UTRN: variants seen among roughly 807,000 people sequenced by gnomAD.
The protein encoded by UTRN is utrophin.
Under a neutral mutation model 463.9 loss-of-function variants are expected in UTRN, and 283 were observed. The ratio of observed to expected loss-of-function variants is 0.61; its 90% CI spans 0.55 to 0.67. The LOEUF (loss-of-function observed/expected upper bound fraction) is 0.67, where lower values mean the gene tolerates loss of function less well. Ranked by LOEUF, UTRN falls within the 30% of genes least tolerant of loss-of-function variation. The probability of loss-of-function intolerance (pLI) is 0.00; values close to 1 mark genes in which losing one functional copy is unlikely to be tolerated. For missense variants in UTRN, 3,922 were observed against 4,084.3 expected (o/e 0.96, Z 1.08); for synonymous variants, 1,442 against 1,431.5 (o/e 1.01, Z -0.17).
At chr6:144,797,768 G>C in intron 63 of UTRN, 56 bp from the exon 64 acceptor site, 1 of 1,560,290 alleles carries the variant, frequency 6.4e-7, no homozygotes, top group Admixed American at 1.8e-5. Flanking sequence ...AACAACACTA[G>C]CTACAGTTTA....
In UTRN at chr6:144,782,073, T is replaced by A; in HGVS notation, c.8784T>A (p.Val2928=). Residue 2928 remains valine (V), a synonymous_variant, in exon 61 of 75, where the codon GTT becomes GTA. Transcript: ENST00000367545. ...AAATGCATAAGGACCTGGTCAACGT[T>A]CCACTCTGTGTTGATATGTGTCTCA... is the stretch of plus-strand genomic sequence containing the variant. The part of the protein sequence containing the change: ...LEQMHKDLVN[V]PLCVDMCLNW... The A allele has an allele frequency of 1.2e-6, 2 of 1,613,994 alleles. No individual in the cohort carries two copies. The highest frequency in any genetic ancestry group is 1.7e-6 in the Non-Finnish European group (2 of 1,179,952).
At chr6:144,603,413 A>C (rs1314428257) in intron 51 of UTRN, among the ~76,000 whole-genome samples, 2 of 152,182 alleles carry the variant, frequency 1.3e-5, no homozygotes, top group East Asian at 1.9e-4. Flanking sequence ...CCATACTCTG[A>C]TTAGCCTTGA....
chr6:144,844,817 C>G (rs1001770576), intron 73 of UTRN, among the ~76,000 whole-genome samples: 33 of 152,172 alleles, frequency 2.2e-4, no homozygotes, highest in African/African-American at 8.0e-4. Context: ...CCCTTGAGCC[C>G]CTGTAACTAA....
intron 51 of UTRN, among the ~76,000 whole-genome samples, chr6:144,646,547 G>A (rs1218368988): frequency 6.6e-6 from 1 of 151,990 alleles, no homozygotes; most frequent in Non-Finnish European, 1.5e-5. Flanking sequence ...ATTATATTAA[G>A]GAAATATAAG....
chr6:144,577,416 C>G, intron 51 of UTRN, 128 bp downstream of exon 51: 1 of 949,548 alleles, frequency 1.1e-6, no homozygotes, highest in South Asian at 2.1e-5. Flanking sequence ...CCGTGCTCTC[C>G]TGTGAATAAT....
rs1792716767 is a variant in UTRN, at chr6:144,488,603, C to T, written c.3973-70C>T. The T allele has an allele frequency of 2.1e-6, 3 of 1,431,832 alleles. No homozygotes were observed. The East Asian group carries it at 7.2e-5, about 34-fold the overall frequency. 88.7% of individuals were successfully genotyped at this position (1,431,832 alleles called of 1,614,324 possible). On this transcript the variant is annotated intron_variant, in intron 29 of 74. Transcript: ENST00000367545. Reference sequence around the variant, plus strand: ...AGCTTTTATGGTCTTTTCTTAGTGGCCAGAATATATATATTCTGCTATTTA... The same window carrying T: ...AGCTTTTATGGTCTTTTCTTAGTGGTCAGAATATATATATTCTGCTATTTA...
intron 54 of UTRN, among the ~76,000 whole-genome samples, chr6:144,742,639 A>G (rs1790237573): frequency 6.6e-6 from 1 of 152,206 alleles, no homozygotes; most frequent in Non-Finnish European, 1.5e-5. Context: ...AATAGTAAAA[A>G]GGAATGAAAG....
chr6:144,802,802 T>C (rs544785779), intron 64 of UTRN, among the ~76,000 whole-genome samples: 15 of 152,318 alleles, frequency 9.8e-5, no homozygotes, highest in African/African-American at 2.9e-4. Context: ...TTAATAGATA[T>C]AATTCTTTTC....
intron 2 of UTRN, among the ~76,000 whole-genome samples, chr6:144,386,762 A>G (rs1781456355): frequency 1.3e-5 from 2 of 152,024 alleles, no homozygotes; most frequent in Admixed American, 1.3e-4. Context: ...ATTTTAGCGG[A>G]TGTGCAATTT....
rs544807453 is a variant in UTRN at position 144,509,191 on chromosome 6, T to A, written c.4765-1753T>A. Among the ~76,000 whole-genome samples the A allele has an allele frequency of 1.5e-4, 23 of 152,290 alleles. No homozygotes were observed. The South Asian group carries it at 2.3e-3, about 15-fold the overall frequency. On this transcript the variant is annotated intron_variant, in intron 34 of 74. Transcript: ENST00000367545. ...ATATATGTCTCATTTTTGTCCTAAA[T>A]TCTTTCACATTCCTACATAATGTTT...
intron 2 of UTRN, among the ~76,000 whole-genome samples, chr6:144,375,255 T>G (rs1290283577): frequency 6.6e-6 from 1 of 152,254 alleles, no homozygotes; most frequent in Non-Finnish European, 1.5e-5. Context: ...CTAAGCGCTG[T>G]GATCCTTTTA....
rs973802062 is a variant in UTRN at position 144,522,083 on chromosome 6, G to A, written c.5645G>A (p.Cys1882Tyr). The A allele has an allele frequency of 1.6e-5, 26 of 1,588,392 alleles. No individual in the cohort carries two copies. In the African/African-American group the frequency reaches 3.3e-4, roughly 20 times the overall value. ...YLVEINKILL[C>Y]MDDVELSLNV... is the part of the protein sequence containing the mutation. ...GTTGAAATTAACAAAATTTTACTTT[G>A]CATGGATGATGTTGAATTATCGCTT... Residue 1882 changes from cysteine (C) to tyrosine (Y), a missense_variant, in exon 40 of 75, where the codon TGC becomes TAC. This residue lies in a region of UTRN where 2,349 missense variants were observed against 2,303.8 expected (regional missense o/e 1.02). Coordinates refer to ENST00000367545, the MANE Select transcript of UTRN (RefSeq NM_007124.3).
intron 52 of UTRN, among the ~76,000 whole-genome samples, chr6:144,689,992 T>G (rs1783155011): frequency 6.6e-6 from 1 of 151,400 alleles, no homozygotes; most frequent in African/African-American, 2.4e-5. Context: ...TGGTGGGATT[T>G]ATGCTTTGCC....
At chr6:144,350,364 C>T (rs2114656137) in intron 2 of UTRN, among the ~76,000 whole-genome samples, 1 of 152,138 alleles carries the variant, frequency 6.6e-6, no homozygotes, top group East Asian at 1.9e-4. Flanking sequence ...TTCTGCTACC[C>T]TTGTTTTCTA....
intron 2 of UTRN, among the ~76,000 whole-genome samples, chr6:144,362,398 G>A (rs1212201922): frequency 6.6e-6 from 1 of 152,184 alleles, no homozygotes; most frequent in African/African-American, 2.4e-5. Context: ...AAGTCACATA[G>A]CTGTATTTTT....
intron 58 of UTRN, among the ~76,000 whole-genome samples, chr6:144,766,152 C>A (rs1008097307): frequency 6.6e-6 from 1 of 151,916 alleles, no homozygotes; most frequent in African/African-American, 2.4e-5. Flanking sequence ...CACACAAGCA[C>A]GTGCACAGAG....
chr6:144,431,785 T>C (rs996134613), intron 9 of UTRN, among the ~76,000 whole-genome samples: 4 of 152,152 alleles, frequency 2.6e-5, no homozygotes, highest in African/African-American at 9.7e-5. Flanking sequence ...AGTTTTAGGA[T>C]TTTTTGTCCA....
chr6:144,749,227 G>A (rs959460683), intron 55 of UTRN, among the ~76,000 whole-genome samples: 1 of 152,096 alleles, frequency 6.6e-6, no homozygotes, highest in Non-Finnish European at 1.5e-5. Flanking sequence ...ATAAGAGATG[G>A]TTTAAAGTAT....
intron 29 of UTRN, 71 bp from the exon 30 acceptor site, chr6:144,488,602 G>T: frequency 2.1e-6 from 3 of 1,438,014 alleles, no homozygotes; most frequent in East Asian, 2.4e-5. Flanking sequence ...TTTCTTAGTG[G>T]CCAGAATATA....
Sources: gnomAD v4.1 joint callset for allele counts (sites outside exome capture counted in the v4.1 genomes callset) on GRCh38, gnomAD v4.1.1 for gene constraint, gnomAD v4.1.1 regional missense constraint, MANE v1.5 for transcripts, NCBI Gene and HGNC (gene_info 2026-07-23, HGNC 2026-07-21) for gene names.